The following FLNB variants were observed in gnomAD, a reference collection of about 807,000 sequenced individuals.
FLNB encodes filamin-B.
Under a neutral mutation model 250.6 loss-of-function variants are expected in FLNB, and 111 were observed. The ratio of observed to expected loss-of-function variants is 0.44; its 90% CI spans 0.38 to 0.52. The LOEUF is 0.52. Among genes scored for constraint, FLNB ranks in the 20% least tolerant of loss-of-function variants. The pLI is 0.00. For synonymous variants in FLNB, 1,302 were observed against 1,372.1 expected (o/e 0.95, Z 1.13); for missense variants, 2,869 against 3,447.8 (o/e 0.83, Z 4.20).
At chr3:58,018,962 CA>C (rs34503609) in intron 1 of FLNB, among the ~76,000 whole-genome samples, 2,547 of 71,334 alleles carry the variant, frequency 0.036, 37 homozygotes, top group African/African-American at 0.11. Flanking sequence ...CACATCTCTA[CA>C]AAAAAAAAAA....
intron 1 of FLNB, among the ~76,000 whole-genome samples, chr3:58,060,057 A>G (rs543427249): frequency 6.6e-6 from 1 of 152,318 alleles, no homozygotes; most frequent in South Asian, 2.1e-4. Context: ...AGCAGCTGTA[A>G]GGATTCAGGG....
At chr3:58,018,737 C>T (rs1009345270) in intron 1 of FLNB, among the ~76,000 whole-genome samples, 1 of 151,904 alleles carries the variant, frequency 6.6e-6, no homozygotes, top group Non-Finnish European at 1.5e-5. Flanking sequence ...AGGCTGGTCT[C>T]GAACTCCCAA....
At chr3:58,109,371 T>G in intron 14 of FLNB, 49 bp downstream of exon 14, 2 of 1,594,526 alleles carry the variant, frequency 1.3e-6, no homozygotes, top group Non-Finnish European at 8.6e-7. Context: ...TGCCTGGTCA[T>G]ACACCAGGTC....
At chr3:58,125,022 T>C (rs1040293691) in intron 22 of FLNB, among the ~76,000 whole-genome samples, 7 of 152,212 alleles carry the variant, frequency 4.6e-5, no homozygotes, top group Non-Finnish European at 1.0e-4. Context: ...GAGTAGTCTG[T>C]TTAGGATGAC....
At chr3:58,044,383 G>A (rs1158731197) in intron 1 of FLNB, among the ~76,000 whole-genome samples, 2 of 152,058 alleles carry the variant, frequency 1.3e-5, no homozygotes, top group African/African-American at 4.8e-5. Context: ...GATCGCTTGA[G>A]CCCAGAAGTT....
In FLNB at chr3:58,128,384, C is replaced by T. The variant is rs142668954; in HGVS notation, c.4222+1622C>T. Among the ~76,000 whole-genome samples, 370 of 152,314 alleles carry T rather than the reference C, an allele frequency of 2.4e-3. 4 individuals carry two copies. The highest frequency in any genetic ancestry group is 8.3e-3 in the African/African-American group (346 of 41,580). On this transcript the variant is annotated intron_variant, in intron 24 of 45. Coordinates refer to ENST00000295956, the MANE Select transcript of FLNB (RefSeq NM_001457.4). ...ATGTTTCTCCTCAAACTTGTGCTTG[C>T]GGCTCATTCAATATAGATTTAAAAA... is the stretch of plus-strand genomic sequence containing the variant.
chr3:58,159,145 CAT>C, intron 41 of FLNB, among the ~76,000 whole-genome samples: 1 of 152,268 alleles, frequency 6.6e-6, no homozygotes, highest in East Asian at 1.9e-4. Context: ...AACAGCATAA[CAT>C]AAAACTGTGT....
chr3:58,154,582 C>T, intron 39 of FLNB: 1 of 564,972 alleles, frequency 1.8e-6, no homozygotes, highest in Admixed American at 3.0e-5. Context: ...CAGAGGACTC[C>T]AGATGTCCTG....
chr3:58,168,542 C>A lies in FLNB; in HGVS notation c.7301C>A (p.Thr2434Lys), dbSNP rs748246153. The part of the protein sequence containing the change: ...PSKVKMDCQE[T>K]PEGYKVMYTP... ...AAGGTTAAAATGGATTGCCAGGAAA[C>A]ACCTGAAGGGTACAAAGTCATGTAC... The change falls in exon 44 of 46, where the codon ACA becomes AAA. Residue 2434 changes from threonine (T) to lysine (K), a missense_variant. Around this residue, in one of 5 missense-constraint regions of FLNB, gnomAD observed 1,084 missense variants for 1,315.5 expected, o/e 0.82. Coordinates refer to ENST00000295956, the MANE Select transcript of FLNB (RefSeq NM_001457.4). The A allele has an allele frequency of 3.7e-6, 6 of 1,614,060 alleles. No homozygotes were observed. The highest frequency in any genetic ancestry group is 5.1e-6 in the Non-Finnish European group (6 of 1,179,992).
At chr3:58,115,108 T>A (rs1348440861) in intron 18 of FLNB, among the ~76,000 whole-genome samples, 1 of 152,226 alleles carries the variant, frequency 6.6e-6, no homozygotes, top group Admixed American at 6.5e-5. Context: ...AAAACATTCA[T>A]TATTAGTAAT....
chr3:58,158,837 A>G (rs114364185), intron 41 of FLNB, among the ~76,000 whole-genome samples: 19 of 152,344 alleles, frequency 1.2e-4, no homozygotes, highest in African/African-American at 4.6e-4. Flanking sequence ...ATGCATATTA[A>G]TATTTAATAA....
chr3:58,136,043 C>T lies in FLNB; in HGVS notation c.4736C>T (p.Thr1579Ile), dbSNP rs2097315257. The change falls in exon 28 of 46, where the codon ACC becomes ATC. Residue 1579 changes from threonine (T) to isoleucine (I), a missense_variant. Physicochemically the swap from Thr to Ile is moderately conservative, Grantham distance 89. Transcript: ENST00000295956. ...HDNKDGTYAV[T>I]YIPDKTGRYM... Reference sequence around the variant, plus strand: ...AATAAAGATGGCACGTATGCTGTCACCTACATCCCCGACAAGACTGGGCGC... The same window carrying T: ...AATAAAGATGGCACGTATGCTGTCATCTACATCCCCGACAAGACTGGGCGC... 9 of 1,614,100 alleles carry T rather than the reference C, an allele frequency of 5.6e-6. No homozygotes were observed. Among genetic ancestry groups the T allele is most frequent in the Non-Finnish European group, 6.8e-6 (8 of 1,180,050 alleles).
rs553603321 is a variant in FLNB, at chr3:58,142,127, C to T, written c.5181+198C>T. Among the ~76,000 whole-genome samples the T allele has an allele frequency of 2.0e-5, 3 of 152,274 alleles. No individual in the cohort carries two copies. The highest frequency in any genetic ancestry group is 2.1e-4 in the South Asian group (1 of 4,824). ...CCTTTGCGTCACCATCCGTGCTCCA[C>T]GAATCGCCAGCCGTCGTGTCTGTGA... On this transcript the variant is annotated intron_variant, in intron 30 of 45. Transcript: ENST00000295956. The surrounding 1 kb of genome is among the most constrained non-coding windows in gnomAD (Gnocchi z 4.3).
chr3:58,170,621 C>G lies in FLNB; in HGVS notation c.7668C>G (p.Cys2556Trp). ...LIGVHGPTTPCEEVSMKHVGN... is the reference protein window; with the variant it reads ...LIGVHGPTTPWEEVSMKHVGN... Reference sequence around the variant, plus strand: ...GGGTCCATGGGCCCACCACCCCCTGCGAGGAGGTCTCCATGAAGCATGTAG... The same window carrying G: ...GGGTCCATGGGCCCACCACCCCCTGGGAGGAGGTCTCCATGAAGCATGTAG... The change falls in exon 46 of 46, where the codon TGC (cysteine) becomes TGG (tryptophan). Residue 2556 changes from cysteine to tryptophan, a missense_variant. This residue lies in a region of FLNB where 1,084 missense variants were observed against 1,315.5 expected (regional missense o/e 0.82). Transcript: ENST00000295956. 1 of 1,614,102 alleles carries G rather than the reference C, an allele frequency of 6.2e-7. No individual in the cohort carries two copies.
chr3:58,147,761 A>G (rs2097338033), intron 34 of FLNB, among the ~76,000 whole-genome samples: 1 of 152,170 alleles, frequency 6.6e-6, no homozygotes. Flanking sequence ...CCTGGGTTCA[A>G]GCGATTCTCC....
chr3:58,072,370 C>G (rs1039216241), intron 1 of FLNB, among the ~76,000 whole-genome samples: 1 of 152,202 alleles, frequency 6.6e-6, no homozygotes, highest in African/African-American at 2.4e-5. Flanking sequence ...AGCAAGTCTT[C>G]ACATGGAATC....
In FLNB at chr3:58,154,839, T is replaced by C. The variant is rs149629209; in HGVS notation, c.6683T>C (p.Ile2228Thr). The change falls in exon 40 of 46, where the codon ATC becomes ACC. Residue 2228 changes from isoleucine to threonine, a missense_variant. Physicochemically the swap from Ile to Thr is moderately conservative, Grantham distance 89 (BLOSUM62 -1). This residue lies in a region of FLNB where 1,084 missense variants were observed against 1,315.5 expected (regional missense o/e 0.82). Coordinates refer to ENST00000295956, the MANE Select transcript of FLNB (RefSeq NM_001457.4). ...TREAGAGGLSIAVEGPSKAEI... is the reference protein window; with the variant it reads ...TREAGAGGLSTAVEGPSKAEI... ...GAAGCAGGCGCTGGAGGCCTCTCCATCGCTGTTGAGGGCCCCAGTAAGGCC... is the reference window on the plus strand; with the variant it reads ...GAAGCAGGCGCTGGAGGCCTCTCCACCGCTGTTGAGGGCCCCAGTAAGGCC... 377 of 1,613,660 alleles carry C rather than the reference T, an allele frequency of 2.3e-4. No individual in the cohort carries two copies. The African/African-American group carries it at 4.8e-3, about 20-fold the overall frequency.
rs200336490 is a variant in FLNB at position 58,095,225 on chromosome 3, G to GTATTTATTTATT, written c.906+274_906+275insTTATTTATTTAT. 0.049 allele frequency among the ~76,000 whole-genome samples: 4,739 copies of GTATTTATTTATT among 95,870 alleles called. 220 individuals are homozygous for GTATTTATTTATT. Among genetic ancestry groups the GTATTTATTTATT allele is most frequent in the East Asian group, 0.3 (256 of 850 alleles). The allele number at this position is 95,870 out of a possible 152,430, so 62.9% of individuals were successfully genotyped here. A position where few individuals can be genotyped will look rare whatever the true frequency, so the allele number is the denominator to read the frequency against. ...AGGTGCCTTGTCAGTTGAGGTTTAT[G>GTATTTATTTATT]TATGTATTTATTTATTTATTTATTT... On this transcript the variant is annotated intron_variant, in intron 5 of 45. Coordinates refer to ENST00000295956, the MANE Select transcript of FLNB (RefSeq NM_001457.4).
Position 58,170,802 on chromosome 3 carries a change from C to G in FLNB, c.*40C>G. On this transcript the variant is annotated 3_prime_UTR_variant, in exon 46 of 46. Transcript: ENST00000295956. ...ATCCTGGAGAGAGTTCTTGTGGTTG[C>G]TTTTGTTGCTTGTTTGTAATTCATT... The G allele has an allele frequency of 6.3e-7, 1 of 1,576,470 alleles. No homozygotes were observed. The highest frequency in any genetic ancestry group is 1.1e-5 in the South Asian group (1 of 89,224).
Sources: gnomAD v4.1 joint callset for allele counts (sites outside exome capture counted in the v4.1 genomes callset) on GRCh38, gnomAD v4.1.1 for gene constraint, gnomAD v4.1.1 regional missense constraint, Gnocchi (gnomAD v3.1) non-coding constraint, MANE v1.5 for transcripts, NCBI Gene and HGNC (gene_info 2026-07-23, HGNC 2026-07-21) for gene names.